Variants in RGPD4 observed in about 807,000 individuals in gnomAD.
RGPD4 encodes ranBP2-like and GRIP domain-containing protein 4.
Under a neutral mutation model 141.1 loss-of-function variants are expected in RGPD4, and 84 were observed. The observed-to-expected ratio is 0.60, with a 90% CI of 0.50 to 0.71. The LOEUF (loss-of-function observed/expected upper bound fraction) is 0.71, where lower values mean the gene tolerates loss of function less well. Ranked by LOEUF, RGPD4 falls within the 30% of genes least tolerant of loss-of-function variation. RGPD4 has a pLI of 0.00. For missense variants in RGPD4, 918 were observed against 1,622.4 expected (o/e 0.57, Z 7.46); for synonymous variants, 298 against 566.8 (o/e 0.53, Z 6.74).
chr2:107,833,768 G>A (rs1355770177), intron 1 of RGPD4, among the ~76,000 whole-genome samples: 3 of 152,092 alleles, frequency 2.0e-5, no homozygotes, highest in Non-Finnish European at 2.9e-5. Context: ...GCCGGGCTCC[G>A]TGGCTGACGC....
chr2:107,854,753 T>C, intron 8 of RGPD4, 110 bp downstream of exon 8: 1 of 1,494,332 alleles, frequency 6.7e-7, no homozygotes, highest in South Asian at 1.3e-5. Flanking sequence ...TCAAAATTAT[T>C]TCTTTTCGCC....
Position 107,857,478 on chromosome 2 carries a change from G to A in RGPD4, c.1276+509G>A, listed in dbSNP as rs545766150. ...GACAGGGTCTCGCTGTGTCACCTGG[G>A]CTGGAGTGTAGTGGCGTGATCGTAG... On this transcript the variant is annotated intron_variant, in intron 9 of 22. Transcript: ENST00000408999. Among the ~76,000 whole-genome samples the A allele has an allele frequency of 7.7e-3, 1,156 of 149,814 alleles. 57 individuals carry two copies. The highest frequency in any genetic ancestry group is 0.071 in the Admixed American group (1,077 of 15,076).
intron 21 of RGPD4, among the ~76,000 whole-genome samples, chr2:107,881,783 TC>T (rs1278027468): frequency 6.6e-6 from 1 of 151,590 alleles, no homozygotes; most frequent in Non-Finnish European, 1.5e-5. Context: ...CTGGAAATCT[TC>T]CTCAAAGACT....
At chr2:107,831,337 TA>T (rs201565039) in intron 1 of RGPD4, among the ~76,000 whole-genome samples, 7,502 of 144,336 alleles carry the variant, frequency 0.052, 537 homozygotes, top group East Asian at 0.44. Flanking sequence ...TTTTTATTTA[TA>T]TTTTTTTTAG....
At chr2:107,854,149 G>A (rs1221610437) in intron 7 of RGPD4, among the ~76,000 whole-genome samples, 1 of 132,032 alleles carries the variant, frequency 7.6e-6, no homozygotes, top group Non-Finnish European at 1.6e-5. Flanking sequence ...CTGCCTCCCA[G>A]GTTCAAGCTA....
intron 6 of RGPD4, among the ~76,000 whole-genome samples, chr2:107,845,073 T>C (rs1268200499): frequency 6.8e-6 from 1 of 146,666 alleles, no homozygotes; most frequent in Non-Finnish European, 1.5e-5. Flanking sequence ...AGACTGAGTC[T>C]TGCTCTCGCC....
intron 22 of RGPD4, among the ~76,000 whole-genome samples, chr2:107,886,054 C>CAA (rs199917332): frequency 1.6e-5 from 2 of 126,980 alleles, no homozygotes; most frequent in African/African-American, 2.9e-5. Context: ...ACTCTTATCT[C>CAA]AAAAAAAAAA....
At chr2:107,845,848 G>A (rs1450295940) in intron 6 of RGPD4, among the ~76,000 whole-genome samples, 1 of 151,252 alleles carries the variant, frequency 6.6e-6, no homozygotes, top group East Asian at 1.9e-4. Context: ...ACAGGCGTGA[G>A]CCACCGCGCC....
At chr2:107,845,577 G>A (rs1681896807) in intron 6 of RGPD4, among the ~76,000 whole-genome samples, 1 of 152,266 alleles carries the variant, frequency 6.6e-6, no homozygotes, top group East Asian at 1.9e-4. Flanking sequence ...GTGTGGCTTA[G>A]GGCTGTGGGT....
chr2:107,872,827 C>G lies in RGPD4; in HGVS notation c.4823C>G (p.Ser1608Cys), dbSNP rs1160600537. 1.2e-5 allele frequency: 19 copies of G among 1,607,720 alleles called. No individual in the cohort carries two copies. In the Admixed American group the frequency reaches 3.2e-4, roughly 27 times the overall value. Residue 1608 changes from serine (S) to cysteine (C), a missense_variant, in exon 20 of 23, where the codon TCT becomes TGT. Physicochemically the swap from Ser to Cys is moderately radical, Grantham distance 112 (BLOSUM62 -1). Coordinates refer to ENST00000408999, the MANE Select transcript of RGPD4 (RefSeq NM_182588.3). ...EPKKCELSKN[S>C]DIEQSSDSKV... ...AAAAAATGTGAACTGTCAAAGAACT[C>G]TGATATCGAACAGTCTTCAGATAGC...
chr2:107,867,089 AAAG>A (rs1453782762), intron 18 of RGPD4, among the ~76,000 whole-genome samples: 2 of 145,798 alleles, frequency 1.4e-5, no homozygotes, highest in East Asian at 4.1e-4. Flanking sequence ...ATGGATAAAG[AAAG>A]GTTAGGTAAC....
intron 1 of RGPD4, among the ~76,000 whole-genome samples, chr2:107,828,258 G>A (rs1410646222): frequency 4.8e-5 from 2 of 41,874 alleles, no homozygotes; most frequent in African/African-American, 2.4e-4. Context: ...GGCCTCGATG[G>A]CTCAGGCATC....
At chr2:107,845,269 C>T (rs993471338) in intron 6 of RGPD4, among the ~76,000 whole-genome samples, 4 of 88,792 alleles carry the variant, frequency 4.5e-5, no homozygotes, top group Non-Finnish European at 8.1e-5. Flanking sequence ...GACAGAGTCT[C>T]GCTCTGTCAC....
Position 107,872,093 on chromosome 2 carries a change from A to C in RGPD4, c.4089A>C (p.Glu1363Asp). ...AAGTTGTTTTTAGTCACAGGGCAGA[A>C]CTCTACAGATATGATAAAGATGTTG... ...NEKVVFSHRAELYRYDKDVGQ... is the reference protein window; with the variant it reads ...NEKVVFSHRADLYRYDKDVGQ... The change falls in exon 20 of 23, where the codon GAA becomes GAC. Residue 1363 changes from glutamate (E) to aspartate (D), a missense_variant. Coordinates refer to ENST00000408999, the MANE Select transcript of RGPD4 (RefSeq NM_182588.3). The C allele has an allele frequency of 6.2e-7, 1 of 1,611,584 alleles. No homozygotes were observed. Among genetic ancestry groups the C allele is most frequent in the Non-Finnish European group, 8.5e-7 (1 of 1,179,858 alleles).
At chr2:107,844,822 T>C (rs1356364849) in intron 6 of RGPD4, among the ~76,000 whole-genome samples, 3 of 88,530 alleles carry the variant, frequency 3.4e-5, no homozygotes, top group African/African-American at 1.2e-4. Context: ...TTTCTTTCTT[T>C]CTTTTTTGTT....
At chr2:107,889,203 T>C (rs1675585353) in intron 22 of RGPD4, among the ~76,000 whole-genome samples, 1 of 132,090 alleles carries the variant, frequency 7.6e-6, no homozygotes, top group Admixed American at 7.5e-5. Flanking sequence ...AAACCAGTAT[T>C]CACACAAAAT....
rs754257506 is a variant in RGPD4 at position 107,859,860 on chromosome 2, A to G, written c.1758+15A>G. The G allele has an allele frequency of 2.5e-6, 4 of 1,574,410 alleles. No individual in the cohort carries two copies. The highest frequency in any genetic ancestry group is 3.4e-6 in the Non-Finnish European group (4 of 1,167,962). ...TTCAGAAAATGGTGAGTTTTAAAGT[A>G]TAAGCATTTTAAAAGAACATTACCT... On this transcript the variant is annotated intron_variant, in intron 12 of 22. Coordinates refer to ENST00000408999, the MANE Select transcript of RGPD4 (RefSeq NM_182588.3).
In RGPD4 at chr2:107,830,595, G is replaced by A. The variant is rs561193656; in HGVS notation, c.72+3510G>A. On this transcript the variant is annotated intron_variant, in intron 1 of 22. Transcript: ENST00000408999. The stretch of plus-strand genomic sequence containing the variant: ...TACATTAGAACCTGGGGATTTCAGC[G>A]GAATATGGATTAACTAGTGAGTAAC... 2.0e-5 allele frequency among the ~76,000 whole-genome samples: 3 copies of A among 152,108 alleles called. No homozygotes were observed. In the East Asian group the frequency reaches 5.8e-4, roughly 29 times the overall value.
At chr2:107,829,750 C>G (rs1186136663) in intron 1 of RGPD4, among the ~76,000 whole-genome samples, 1 of 152,104 alleles carries the variant, frequency 6.6e-6, no homozygotes, top group African/African-American at 2.4e-5. Context: ...TTGTTCCCGA[C>G]GCTTGTTCCC....
Sources: gnomAD v4.1 joint callset for allele counts (sites outside exome capture counted in the v4.1 genomes callset) on GRCh38, gnomAD v4.1.1 for gene constraint, MANE v1.5 for transcripts, NCBI Gene and HGNC (gene_info 2026-07-23, HGNC 2026-07-21) for gene names.